The following CD6 variants were observed in gnomAD, a reference collection of about 807,000 sequenced individuals.
The protein encoded by CD6 is CD6 molecule.
A neutral mutation model predicts 75.3 loss-of-function variants in CD6; 53 were observed. That is an observed-to-expected ratio of 0.70 (90% confidence interval 0.56 to 0.88). The LOEUF (loss-of-function observed/expected upper bound fraction) is 0.88. CD6 is among the 40% of genes least tolerant of loss of function. The pLI, the probability that CD6 is intolerant of heterozygous loss-of-function variation, is 0.00. For missense variants in CD6, 770 were observed against 897.1 expected, an observed-to-expected ratio of 0.86 and a Z score of 1.81; for synonymous variants, 359 against 381.5, an observed-to-expected ratio of 0.94 and a Z score of 0.69.
chr11:61,012,218 C>T (rs1314083802), intron 6 of CD6, among the ~76,000 whole-genome samples: 3 of 152,230 alleles, frequency 2.0e-5, no homozygotes, highest in Non-Finnish European at 4.4e-5. Flanking sequence ...CCAGGCCCCG[C>T]AGGCAACCTG....
chr11:61,002,068 A>G (rs1300142485), intron 1 of CD6, among the ~76,000 whole-genome samples: 1 of 152,164 alleles, frequency 6.6e-6, no homozygotes, highest in Non-Finnish European at 1.5e-5. Context: ...AAAATGTATC[A>G]TATTATATTC....
intron 1 of CD6, among the ~76,000 whole-genome samples, chr11:60,979,656 C>T (rs916697684): frequency 1.3e-5 from 2 of 151,930 alleles, no homozygotes; most frequent in Admixed American, 6.6e-5. Flanking sequence ...TTAGTAGAGA[C>T]GGGGTTTCAC....
intron 1 of CD6, among the ~76,000 whole-genome samples, chr11:60,978,413 C>G (rs1183929641): frequency 1.3e-5 from 2 of 152,158 alleles, no homozygotes; most frequent in Admixed American, 6.5e-5. Context: ...CTCTGGGAAT[C>G]TAGGCCCCTG....
chr11:61,000,103 C>G (rs1249885509), intron 1 of CD6, among the ~76,000 whole-genome samples: 1 of 151,924 alleles, frequency 6.6e-6, no homozygotes, highest in Non-Finnish European at 1.5e-5. Context: ...AAAAAACCAG[C>G]ACATCACAGC....
chr11:61,010,703 G>C (rs903676225), intron 5 of CD6, among the ~76,000 whole-genome samples: 1 of 152,122 alleles, frequency 6.6e-6, no homozygotes, highest in Non-Finnish European at 1.5e-5. Context: ...CCTGCCCAAC[G>C]GGAATGCCGA....
At chr11:60,980,281 A>G (rs1429805657) in intron 1 of CD6, among the ~76,000 whole-genome samples, 1 of 152,128 alleles carries the variant, frequency 6.6e-6, no homozygotes, top group Non-Finnish European at 1.5e-5. Context: ...GCACGTTGGG[A>G]GGCCGAAGTC....
rs1014455906 is a variant in CD6 at position 61,017,643 on chromosome 11, A to G, written c.1582+93A>G. On this transcript the variant is annotated intron_variant, in intron 10 of 12. Coordinates refer to ENST00000313421, the MANE Select transcript of CD6 (RefSeq NM_006725.5). ...GACCTTCCAGCAGGAACCTCCCTCA[A>G]TGAGTCTTTCCTGACTTTCACAAAT... is the stretch of plus-strand genomic sequence containing the variant. 17 of 1,575,234 alleles carry G rather than the reference A, an allele frequency of 1.1e-5. No individual in the cohort carries two copies. In the African/African-American group the frequency reaches 1.5e-4, roughly 14 times the overall value.
intron 1 of CD6, among the ~76,000 whole-genome samples, chr11:60,997,487 AAT>A (rs1858361575): frequency 6.6e-6 from 1 of 151,808 alleles, no homozygotes; most frequent in African/African-American, 2.4e-5. Context: ...TTTCTTTAAT[AAT>A]ATATGTTATT....
chr11:60,985,481 G>A (rs781673539), intron 1 of CD6, among the ~76,000 whole-genome samples: 4 of 151,832 alleles, frequency 2.6e-5, no homozygotes, highest in Admixed American at 6.6e-5. Flanking sequence ...CACCGCACCC[G>A]GCCACCCTCT....
chr11:61,018,479 T>C, intron 12 of CD6, 86 bp downstream of exon 12: 1 of 787,488 alleles, frequency 1.3e-6, no homozygotes, highest in Non-Finnish European at 1.9e-6. Flanking sequence ...ATGCATTCGC[T>C]CAAGGGGAAA....
At chr11:60,998,114 G>T (rs1487717484) in intron 1 of CD6, among the ~76,000 whole-genome samples, 3 of 152,198 alleles carry the variant, frequency 2.0e-5, no homozygotes, top group Non-Finnish European at 4.4e-5. Flanking sequence ...TTAAAAGGGT[G>T]ATTTCTAGAG....
At chr11:61,018,195 C>A in intron 11 of CD6, 94 bp from the exon 12 acceptor site, 1 of 1,316,790 alleles carries the variant, frequency 7.6e-7, no homozygotes, top group Non-Finnish European at 1.0e-6. Flanking sequence ...AAGCTAGGGA[C>A]TTGGCTCTCG....
intron 7 of CD6, 69 bp from the exon 8 acceptor site, chr11:61,013,850 G>C (rs1859274551): frequency 1.8e-6 from 2 of 1,130,716 alleles, no homozygotes; most frequent in African/African-American, 3.1e-5. Context: ...GATGAGAACA[G>C]AACGGAACCA....
intron 1 of CD6, among the ~76,000 whole-genome samples, chr11:60,994,207 G>T (rs1858189267): frequency 6.6e-6 from 1 of 152,120 alleles, no homozygotes; most frequent in Admixed American, 6.6e-5. Flanking sequence ...TTGGGAGGCT[G>T]AGGCAGGGGG....
intron 1 of CD6, among the ~76,000 whole-genome samples, chr11:60,996,407 C>T (rs997455266): frequency 1.3e-5 from 2 of 152,192 alleles, no homozygotes; most frequent in African/African-American, 4.8e-5. Context: ...GTCCATCTGG[C>T]TGCTTCCCAA....
chr11:61,008,284 C>A, intron 3 of CD6: 1 of 531,154 alleles, frequency 1.9e-6, no homozygotes, highest in Non-Finnish European at 3.3e-6. Flanking sequence ...GGTCCCTAAG[C>A]GCTGTGGCTC....
intron 6 of CD6, 37 bp downstream of exon 6, chr11:61,011,172 C>T (rs1221894390): frequency 1.1e-6 from 1 of 916,074 alleles, no homozygotes; most frequent in African/African-American, 2.9e-5. Flanking sequence ...TTCTCAGAAG[C>T]TTGGACGTGT....
chr11:61,018,536 A>C, intron 12 of CD6, 143 bp downstream of exon 12: 1 of 617,374 alleles, frequency 1.6e-6, no homozygotes, highest in South Asian at 2.1e-5. Flanking sequence ...ACTTTTTAAA[A>C]AACAAAGCAA....
chr11:61,010,696 GC>G (rs1163517149), intron 5 of CD6, among the ~76,000 whole-genome samples: 1 of 152,102 alleles, frequency 6.6e-6, no homozygotes, highest in Non-Finnish European at 1.5e-5. Flanking sequence ...GAGCCTACCT[GC>G]CCAACGGGAA....
Sources: allele counts gnomAD v4.1 joint callset (sites outside exome capture counted in the v4.1 genomes callset), GRCh38; gene constraint gnomAD v4.1.1; transcripts MANE v1.5; gene names NCBI Gene and HGNC (gene_info 2026-07-23, HGNC 2026-07-21).